DOCK1: variants seen among roughly 807,000 people sequenced by gnomAD.
The protein encoded by DOCK1 is dedicator of cytokinesis 1.
In DOCK1, 138 loss-of-function variants were observed where a neutral mutation model predicts 262.7. The ratio of observed to expected loss-of-function variants is 0.53; its 90% CI spans 0.46 to 0.61. The LOEUF is 0.61. Ranked by LOEUF, DOCK1 falls within the 20% of genes least tolerant of loss-of-function variation. The pLI is 0.00. For synonymous variants in DOCK1, 866 were observed against 867.4 expected (o/e 1.00, Z 0.03); for missense variants, 1,908 against 2,370.7 (o/e 0.80, Z 4.05).
Position 126,999,373 on chromosome 10 carries a change from T to C in DOCK1, c.787T>C (p.Trp263Arg). Reference sequence around the variant, plus strand: ...TTCAAGTGAGAACTACCTGGTTCGCTGGTCCAGTTCAGGATTACCTAAAGA... The same window carrying C: ...TTCAAGTGAGAACTACCTGGTTCGCCGGTCCAGTTCAGGATTACCTAAAGA... ...KFISENYLVR[W>R]SSSGLPKDID... Residue 263 changes from tryptophan to arginine, a missense_variant, in exon 9 of 52, where the codon TGG (tryptophan) becomes CGG (arginine). Transcript: ENST00000623213. 6.2e-7 allele frequency: 1 copy of C among 1,613,496 alleles called. No homozygotes were observed. The highest frequency in any genetic ancestry group is 8.5e-7 in the Non-Finnish European group (1 of 1,179,692).
Position 127,451,611 on chromosome 10 carries a change from A to C in DOCK1, c.*184A>C. 7.1e-7 allele frequency: 1 copy of C among 1,409,808 alleles called. No homozygotes were observed. Among genetic ancestry groups the C allele is most frequent in the Non-Finnish European group, 9.4e-7 (1 of 1,069,288 alleles). The allele number at this position is 1,409,808 out of a possible 1,614,324, so 87.3% of individuals were successfully genotyped here. A position where few individuals can be genotyped will look rare whatever the true frequency, so the allele number is the denominator to read the frequency against. ...TGAGTGGCCTTTAGCGTCATGGAGC[A>C]AGGTGGGTCTGGGAGGTAGATATGG... is the stretch of plus-strand genomic sequence containing the variant. On this transcript the variant is annotated 3_prime_UTR_variant, in exon 52 of 52. Coordinates refer to ENST00000623213, the MANE Select transcript of DOCK1 (RefSeq NM_001290223.2).
At chr10:127,114,244 A>G (rs969761306) in intron 25 of DOCK1, among the ~76,000 whole-genome samples, 1 of 152,124 alleles carries the variant, frequency 6.6e-6, no homozygotes, top group African/African-American at 2.4e-5. Context: ...CCTGTAATGG[A>G]TATTTATTGA....
chr10:127,055,201 A>G (rs1564767545), intron 22 of DOCK1, among the ~76,000 whole-genome samples: 1 of 152,082 alleles, frequency 6.6e-6, no homozygotes, highest in East Asian at 1.9e-4. Context: ...GCCCGGAGGA[A>G]GAGTTCCGAG....
intron 27 of DOCK1, among the ~76,000 whole-genome samples, chr10:127,210,488 C>G (rs1358233496): frequency 6.6e-6 from 1 of 152,228 alleles, no homozygotes. Context: ...GAATAACTCT[C>G]AGGCTGAGCC....
At chr10:127,266,388 T>C (rs888192136) in intron 29 of DOCK1, among the ~76,000 whole-genome samples, 2 of 152,158 alleles carry the variant, frequency 1.3e-5, no homozygotes, top group Admixed American at 6.6e-5. Flanking sequence ...GCCAATGGCT[T>C]GATGATTTTA....
chr10:127,027,669 C>G (rs1482901488), intron 16 of DOCK1, among the ~76,000 whole-genome samples: 1 of 152,124 alleles, frequency 6.6e-6, no homozygotes, highest in African/African-American at 2.4e-5. Context: ...GGCTGGCCAC[C>G]TTCTGGCACG....
intron 25 of DOCK1, among the ~76,000 whole-genome samples, chr10:127,114,757 TTC>T (rs2049073062): frequency 1.0e-5 from 1 of 99,858 alleles, no homozygotes; most frequent in African/African-American, 3.5e-5. Context: ...TTTTTTTTCT[TTC>T]TTTTTTTTTT....
At chr10:126,969,977 A>T (rs2037976178) in intron 1 of DOCK1, among the ~76,000 whole-genome samples, 1 of 152,276 alleles carries the variant, frequency 6.6e-6, no homozygotes, top group East Asian at 1.9e-4. Context: ...GCTGTTGGGT[A>T]GGAGGAACAT....
At chr10:127,223,036 A>G (rs2058501023) in intron 27 of DOCK1, among the ~76,000 whole-genome samples, 1 of 152,200 alleles carries the variant, frequency 6.6e-6, no homozygotes, top group Non-Finnish European at 1.5e-5. Context: ...TAAGTTTTAA[A>G]AAATTGTAGA....
chr10:127,220,179 G>A (rs2058372292), intron 27 of DOCK1, among the ~76,000 whole-genome samples: 1 of 151,702 alleles, frequency 6.6e-6, no homozygotes, highest in Admixed American at 6.6e-5. Context: ...AGATAAATGG[G>A]AAGTTGTCTG....
At chr10:127,400,671 A>G (rs1349261831) in intron 38 of DOCK1, among the ~76,000 whole-genome samples, 2 of 152,254 alleles carry the variant, frequency 1.3e-5, no homozygotes, top group Non-Finnish European at 2.9e-5. Flanking sequence ...CGGAGAGCAC[A>G]GGTGGCTGGA....
intron 29 of DOCK1, among the ~76,000 whole-genome samples, chr10:127,321,245 C>T (rs2062509279): frequency 1.1e-5 from 1 of 94,562 alleles, no homozygotes; most frequent in East Asian, 3.9e-4. Context: ...CCGTCCTCCC[C>T]CTCTCTCTCC....
intron 3 of DOCK1, among the ~76,000 whole-genome samples, chr10:126,981,495 T>C (rs1283733854): frequency 6.6e-6 from 1 of 152,212 alleles, no homozygotes; most frequent in Non-Finnish European, 1.5e-5. Context: ...AAAGTCTCTG[T>C]GGGTCTGGGT....
At chr10:127,094,172 C>T (rs1360767284) in intron 23 of DOCK1, among the ~76,000 whole-genome samples, 2 of 152,100 alleles carry the variant, frequency 1.3e-5, no homozygotes, top group Admixed American at 6.5e-5. Context: ...CCAGCCTGGG[C>T]GACGGAGTGA....
At chr10:126,990,639 T>A (rs766647410) in intron 6 of DOCK1, 36 bp downstream of exon 6, 7 of 1,605,730 alleles carry the variant, frequency 4.4e-6, no homozygotes, top group Middle Eastern at 1.7e-4. Context: ...ACGCTTAAAT[T>A]ATCCAATGTA....
chr10:127,393,246 A>T (rs558447288), intron 38 of DOCK1, among the ~76,000 whole-genome samples: 1 of 152,176 alleles, frequency 6.6e-6, no homozygotes, highest in South Asian at 2.1e-4. Flanking sequence ...ACCAGTGATT[A>T]CCGGGGCTTG....
chr10:126,981,038 C>A (rs1453852311), intron 3 of DOCK1, among the ~76,000 whole-genome samples: 1 of 150,538 alleles, frequency 6.6e-6, no homozygotes, highest in Admixed American at 6.6e-5. Context: ...ACCTCCACTT[C>A]CCGGGTTCAA....
At chr10:127,141,481 T>C (rs1011739502) in intron 27 of DOCK1, among the ~76,000 whole-genome samples, 6 of 152,220 alleles carry the variant, frequency 3.9e-5, no homozygotes, top group African/African-American at 1.4e-4. Context: ...GGTGGGCGGA[T>C]CACTTGAGAT....
intron 1 of DOCK1, among the ~76,000 whole-genome samples, chr10:126,930,317 C>T (rs913067672): frequency 0.057 from 8,699 of 152,244 alleles, 393 homozygotes; most frequent in South Asian, 0.14. Context: ...GTATGGACCT[C>T]GGAGTGGAAT....
Sources: gnomAD v4.1 joint callset for allele counts (sites outside exome capture counted in the v4.1 genomes callset) on GRCh38, gnomAD v4.1.1 for gene constraint, MANE v1.5 for transcripts, NCBI Gene and HGNC (gene_info 2026-07-23, HGNC 2026-07-21) for gene names.